GLT6D1: variants seen among roughly 807,000 people sequenced by gnomAD.
GLT6D1 encodes the protein putative glycosyltransferase 6 domain-containing protein 1.
GLT6D1 carries 9 observed loss-of-function variants against 12.3 expected under a neutral mutation model. That is an observed-to-expected ratio of 0.73 (90% CI 0.44 to 1.27). The LOEUF is 1.27. GLT6D1 is among the 50% of genes most tolerant of loss of function. The pLI is 0.00. For missense variants in GLT6D1, 335 were observed against 346.2 expected, an observed-to-expected ratio of 0.97 and a Z score of 0.26; for synonymous variants, 128 against 132.3, an observed-to-expected ratio of 0.97 and a Z score of 0.23.
chr9:135,640,718 T>TA (rs879453196), upstream of GLT6D1, among the ~76,000 whole-genome samples: 46 of 139,384 alleles, frequency 3.3e-4, no homozygotes, highest in African/African-American at 6.1e-4. Context: ...AGACTCCATC[T>TA]AAAAAAAAAA....
chr9:135,624,518 A>C lies in GLT6D1; in HGVS notation c.410T>G (p.Val137Gly). Residue 137 changes from valine to glycine, a missense_variant, in exon 5 of 5, where the codon GTG becomes GGG. Transcript: ENST00000371763. ...ATCGAGCCACCACCTCTCGGTGCCC[A>C]CTTTAAATGCTTTGAACGTTCGAAG... ...SPLRTFKAFK[V>G]GTERWWLDGP... The C allele has an allele frequency of 1.2e-6, 2 of 1,614,050 alleles. No individual in the cohort carries two copies. The highest frequency in any genetic ancestry group is 1.7e-6 in the Non-Finnish European group (2 of 1,180,016).
At chr9:135,630,556 C>A (rs1425211395) in intron 3 of GLT6D1, among the ~76,000 whole-genome samples, 1 of 150,930 alleles carries the variant, frequency 6.6e-6, no homozygotes, top group Non-Finnish European at 1.5e-5. Flanking sequence ...CCTGTCTCTA[C>A]TAAAAATACA....
At chr9:135,628,424 A>G (rs1833565812) in intron 3 of GLT6D1, among the ~76,000 whole-genome samples, 1 of 152,126 alleles carries the variant, frequency 6.6e-6, no homozygotes, top group African/African-American at 2.4e-5. Flanking sequence ...CATTCCTGGA[A>G]TAAATCCCAC....
Position 135,624,477 on chromosome 9 carries a change from C to T in GLT6D1, c.451G>A (p.Val151Met). ...GCGATGTGTTCACCCAGGCTCTTCA[C>T]ATGCACCAGGGGGCCATCGAGCCAC... Reference protein sequence around the residue: ...RWWLDGPLVHVKSLGEHIASH... With the variant: ...RWWLDGPLVHMKSLGEHIASH... The change falls in exon 5 of 5, where the codon GTG becomes ATG. Residue 151 changes from valine to methionine, a missense_variant. Coordinates refer to ENST00000371763, the MANE Select transcript of GLT6D1 (RefSeq NM_182974.3). 1 of 1,613,136 alleles carries T rather than the reference C, an allele frequency of 6.2e-7. No individual in the cohort carries two copies. Among genetic ancestry groups the T allele is most frequent in the Non-Finnish European group, 8.5e-7 (1 of 1,179,718 alleles).
At chr9:135,626,319 G>A (rs1833517655) in intron 3 of GLT6D1, 113 bp from the exon 4 acceptor site, 3 of 1,126,754 alleles carry the variant, frequency 2.7e-6, no homozygotes, top group Non-Finnish European at 3.9e-6. Flanking sequence ...CCAGCTCCGT[G>A]TTTGAGTGCA....
intron 2 of GLT6D1, among the ~76,000 whole-genome samples, chr9:135,636,221 G>A (rs1833769548): frequency 6.6e-6 from 1 of 152,194 alleles, no homozygotes; most frequent in African/African-American, 2.4e-5. Context: ...ATGCCTGGTG[G>A]CATGTGCCTG....
chr9:135,638,229 A>C (rs1833820550), intron 2 of GLT6D1, among the ~76,000 whole-genome samples: 1 of 152,242 alleles, frequency 6.6e-6, no homozygotes, highest in South Asian at 2.1e-4. Context: ...TCATGAGAAT[A>C]GCATGGGAAA....
At chr9:135,641,114 A>T (rs148765152), upstream of GLT6D1, among the ~76,000 whole-genome samples, 3 of 152,284 alleles carry the variant, frequency 2.0e-5, no homozygotes, top group East Asian at 5.8e-4. Context: ...CTTGGGTTAG[A>T]GTGATGCAAA....
Position 135,639,284 on chromosome 9 carries a change from G to C in GLT6D1, c.-7+9C>G. 1 of 669,334 alleles carries C rather than the reference G, an allele frequency of 1.5e-6. No individual in the cohort carries two copies. The highest frequency in any genetic ancestry group is 1.8e-5 in the African/African-American group (1 of 54,532). The allele number at this position is 669,334 out of a possible 1,614,324, so 41.5% of individuals were successfully genotyped here. A position where few individuals can be genotyped will look rare whatever the true frequency, so the allele number is the denominator to read the frequency against. Reference sequence around the variant, plus strand: ...ACAATGGGTTAATGTATGGGCATTGGACACCAACCTTAGAGGTTGCTTCTA... The same window carrying C: ...ACAATGGGTTAATGTATGGGCATTGCACACCAACCTTAGAGGTTGCTTCTA... On this transcript the variant is annotated intron_variant, in intron 1 of 4. Transcript: ENST00000371763.
rs1833440390 is a variant in GLT6D1, at chr9:135,624,470, C to T, written c.458G>A (p.Ser153Asn). The stretch of plus-strand genomic sequence containing the variant: ...GTGACTGGCGATGTGTTCACCCAGG[C>T]TCTTCACATGCACCAGGGGGCCATC... ...WLDGPLVHVK[S>N]LGEHIASHIQ... Residue 153 changes from serine (S) to asparagine (N), a missense_variant, in exon 5 of 5, where the codon AGC becomes AAC. Ser to Asn is a conservative substitution (Grantham distance 46). Coordinates refer to ENST00000371763, the MANE Select transcript of GLT6D1 (RefSeq NM_182974.3). 3.7e-6 allele frequency: 6 copies of T among 1,613,926 alleles called. No homozygotes were observed. In the East Asian group the frequency reaches 1.3e-4, roughly 36 times the overall value.
At chr9:135,637,599 T>C (rs542169397) in intron 2 of GLT6D1, among the ~76,000 whole-genome samples, 6 of 152,246 alleles carry the variant, frequency 3.9e-5, no homozygotes, top group East Asian at 1.9e-4. Context: ...CTAATGGGTG[T>C]GTAGTGGTAT....
At position 135,624,435 on chromosome 9, in the gene GLT6D1, C is replaced by T. The variant is rs867118146; in HGVS notation, c.493G>A (p.Glu165Lys). 13 of 1,614,156 alleles carry T rather than the reference C, an allele frequency of 8.1e-6. No individual in the cohort carries two copies. Among genetic ancestry groups the T allele is most frequent in the Non-Finnish European group, 1.0e-5 (12 of 1,180,036 alleles). ...GCCATGCTGAAGAGGAAGTCCACCT[C>T]GTCCTGGATGTGACTGGCGATGTGT... ...GEHIASHIQD[E>K]VDFLFSMAAN... Residue 165 changes from glutamate (E) to lysine (K), a missense_variant, in exon 5 of 5, where the codon GAG becomes AAG. Transcript: ENST00000371763.
Position 135,624,320 on chromosome 9 carries a change from G to A in GLT6D1, c.608C>T (p.Thr203Ile), listed in dbSNP as rs1046281162. Reference sequence around the variant, plus strand: ...CCTCCTCTCATAAGGGAAGTTCTTGGTGTTTCTGAAATACCACCAGGCGTG... The same window carrying A: ...CCTCCTCTCATAAGGGAAGTTCTTGATGTTTCTGAAATACCACCAGGCGTG... ...QLHAWWYFRNTKNFPYERRPT... is the reference protein window; with the variant it reads ...QLHAWWYFRNIKNFPYERRPT... The change falls in exon 5 of 5, where the codon ACC (threonine) becomes ATC (isoleucine). Residue 203 changes from threonine to isoleucine, a missense_variant. Coordinates refer to ENST00000371763, the MANE Select transcript of GLT6D1 (RefSeq NM_182974.3). The A allele has an allele frequency of 3.7e-6, 6 of 1,610,574 alleles. No individual in the cohort carries two copies. The highest frequency in any genetic ancestry group is 1.7e-4 in the Middle Eastern group (1 of 6,040).
chr9:135,629,143 GTA>G (rs1298412920), intron 3 of GLT6D1, among the ~76,000 whole-genome samples: 1 of 151,726 alleles, frequency 6.6e-6, no homozygotes, highest in Non-Finnish European at 1.5e-5. Context: ...TTTCCTTAGT[GTA>G]TAAAGTTTAA....
chr9:135,628,010 C>T (rs1337759011), intron 3 of GLT6D1, among the ~76,000 whole-genome samples: 1 of 152,044 alleles, frequency 6.6e-6, no homozygotes, highest in Non-Finnish European at 1.5e-5. Context: ...TATTCAGATC[C>T]TTTGCCCATT....
chr9:135,626,154 CCCATAGG>C lies in GLT6D1; in HGVS notation c.165_171del (p.Leu56LysfsTer35), dbSNP rs778001474. 6.2e-7 allele frequency: 1 copy of C among 1,614,084 alleles called. No homozygotes were observed. Among genetic ancestry groups the C allele is most frequent in the South Asian group, 1.1e-5 (1 of 91,078 alleles). On this transcript the variant is annotated frameshift_variant, in exon 4 of 5. Transcript: ENST00000371763. LOFTEE classifies it high-confidence loss of function. ...AGGACCCGCCTGTCGAAAGTCCCTT[CCCATAGG>C]ACAGGAGCGAGCCAGTCTGTTTTCG...
chr9:135,626,530 G>T (rs1833523553), intron 3 of GLT6D1, among the ~76,000 whole-genome samples: 1 of 152,198 alleles, frequency 6.6e-6, no homozygotes, highest in Non-Finnish European at 1.5e-5. Flanking sequence ...CCCAGGAGCT[G>T]CCTTTTCCAA....
At chr9:135,638,663 C>T (rs547078757) in intron 2 of GLT6D1, among the ~76,000 whole-genome samples, 30 of 152,236 alleles carry the variant, frequency 2.0e-4, no homozygotes, top group South Asian at 8.3e-4. Flanking sequence ...ATCCCCAGCA[C>T]CTAGAATACA....
At chr9:135,626,307 GC>G in intron 3 of GLT6D1, 101 bp from the exon 4 acceptor site, 1 of 1,262,208 alleles carries the variant, frequency 7.9e-7, no homozygotes, top group Non-Finnish European at 1.1e-6. Context: ...CCTAGTGCGC[GC>G]CCAGCTCCGT....
Sources: gnomAD v4.1 joint callset for allele counts (sites outside exome capture counted in the v4.1 genomes callset) on GRCh38, gnomAD v4.1.1 for gene constraint, MANE v1.5 for transcripts, NCBI Gene and HGNC (gene_info 2026-07-23, HGNC 2026-07-21) for gene names.